The following AP2A2 variants were observed in gnomAD, a reference collection of about 807,000 sequenced individuals.
The protein encoded by AP2A2 is adaptor related protein complex 2 subunit alpha 2.
A neutral mutation model predicts 104.2 loss-of-function variants in AP2A2; 32 were observed. That is an observed-to-expected ratio of 0.31 (90% CI 0.23 to 0.41). The LOEUF (loss-of-function observed/expected upper bound fraction) is 0.41. AP2A2 is among the 10% of genes least tolerant of loss of function. The pLI is 1.00. For synonymous variants in AP2A2, 539 were observed against 533.3 expected (o/e 1.01, Z -0.15); for missense variants, 912 against 1,261.0 (o/e 0.72, Z 4.19).
At chr11:986,491 C>T (rs1046504054) in intron 8 of AP2A2, among the ~76,000 whole-genome samples, 12 of 152,164 alleles carry the variant, frequency 7.9e-5, no homozygotes, top group African/African-American at 2.2e-4. Flanking sequence ...CGGCCTCCCG[C>T]GGGCCTGATG....
intron 10 of AP2A2, among the ~76,000 whole-genome samples, chr11:991,160 CG>C (rs1855641406): frequency 6.6e-6 from 1 of 151,996 alleles, no homozygotes; most frequent in African/African-American, 2.4e-5. Flanking sequence ...TCCTTTCAGC[CG>C]GGCATGGTGT....
At chr11:1,004,332 G>A (rs1856129629) in intron 16 of AP2A2, among the ~76,000 whole-genome samples, 1 of 152,150 alleles carries the variant, frequency 6.6e-6, no homozygotes, top group South Asian at 2.1e-4. Flanking sequence ...AATTAGCTGG[G>A]TGTAGTGGTG....
intron 1 of AP2A2, among the ~76,000 whole-genome samples, chr11:947,168 G>A (rs886650023): frequency 1.3e-5 from 2 of 151,994 alleles, no homozygotes; most frequent in Non-Finnish European, 2.9e-5. Flanking sequence ...CCGCCACCAG[G>A]CCCAGCTAAT....
In AP2A2 at chr11:968,970, C is replaced by T. The variant is rs757638650; in HGVS notation, c.137-1199C>T. Among the ~76,000 whole-genome samples the T allele has an allele frequency of 6.6e-6, 1 of 152,152 alleles. No individual in the cohort carries two copies. Among genetic ancestry groups the T allele is most frequent in the Non-Finnish European group, 1.5e-5 (1 of 68,024 alleles). On this transcript the variant is annotated intron_variant, in intron 2 of 21. Transcript: ENST00000448903. This position sits in a 1 kb window ranked among gnomAD's most constrained non-coding sequence, Gnocchi z 4.2. Reference sequence around the variant, plus strand: ...GGAAATGTGGCCGGTCTGTATTCTACACAGTTGAGGTCGTCCGTGGAGGTG... The same window carrying T: ...GGAAATGTGGCCGGTCTGTATTCTATACAGTTGAGGTCGTCCGTGGAGGTG...
chr11:949,534 T>C (rs1382186891), intron 1 of AP2A2, among the ~76,000 whole-genome samples: 1 of 152,116 alleles, frequency 6.6e-6, no homozygotes, highest in African/African-American at 2.4e-5. Flanking sequence ...CCCAGCACTT[T>C]CGGAGGCCGA....
At position 993,688 on chromosome 11, in the gene AP2A2, C is replaced by T. The variant is rs965984655; in HGVS notation, c.1551-66C>T. On this transcript the variant is annotated intron_variant, in intron 12 of 21. Transcript: ENST00000448903. The surrounding 1 kb of genome is among the most constrained non-coding windows in gnomAD (Gnocchi z 8.2). ...GGGGGTCTCGCCGCCGTCCCCCCCCCGCGGGGGCGTGCTGCAGCCTGCGAG... is the reference window on the plus strand; with the variant it reads ...GGGGGTCTCGCCGCCGTCCCCCCCCTGCGGGGGCGTGCTGCAGCCTGCGAG... 39 of 1,295,216 alleles carry T rather than the reference C, an allele frequency of 3.0e-5. No individual in the cohort carries two copies. Among genetic ancestry groups the T allele is most frequent in the Admixed American group, 8.3e-5 (4 of 48,476 alleles). 80.2% of individuals were successfully genotyped at this position (1,295,216 alleles called of 1,614,324 possible).
At chr11:932,746 T>C (rs1311372200) in intron 1 of AP2A2, 6 of 456,298 alleles carry the variant, frequency 1.3e-5, no homozygotes, top group South Asian at 7.7e-5. Context: ...CCTGGTTCTC[T>C]TCACAGTGTT....
chr11:989,962 C>T (rs185758852), intron 10 of AP2A2, among the ~76,000 whole-genome samples: 4 of 152,168 alleles, frequency 2.6e-5, no homozygotes, highest in East Asian at 3.8e-4. Context: ...GGAGCTTTGC[C>T]GAGAGCCAGT....
Position 1,011,363 on chromosome 11 carries a change from G to A in AP2A2, c.*738G>A, listed in dbSNP as rs1274934318. 1.9e-6 allele frequency: 1 copy of A among 518,172 alleles called. No homozygotes were observed. The highest frequency in any genetic ancestry group is 1.9e-5 in the African/African-American group (1 of 51,922). The allele number at this position is 518,172 out of a possible 1,614,324, so 32.1% of individuals were successfully genotyped here. A position where few individuals can be genotyped will look rare whatever the true frequency, so the allele number is the denominator to read the frequency against. The stretch of plus-strand genomic sequence containing the variant: ...CCCAGGACTCCAGGGTAAAGTGTGG[G>A]CCGGTGGCGCAAGACTCAGAGGTGT... On this transcript the variant is annotated 3_prime_UTR_variant, in exon 22 of 22. Coordinates refer to ENST00000448903, the MANE Select transcript of AP2A2 (RefSeq NM_012305.4).
chr11:962,756 T>G (rs1237137066), intron 2 of AP2A2, among the ~76,000 whole-genome samples: 2 of 152,108 alleles, frequency 1.3e-5, no homozygotes, highest in Non-Finnish European at 2.9e-5. Flanking sequence ...TTTTGTTTTA[T>G]AAATTCTGTA....
At chr11:974,509 C>T (rs1020574157) in intron 4 of AP2A2, among the ~76,000 whole-genome samples, 20 of 152,044 alleles carry the variant, frequency 1.3e-4, no homozygotes, top group African/African-American at 4.3e-4. Flanking sequence ...GGCGAAACCC[C>T]GTCTCTACTA....
intron 3 of AP2A2, among the ~76,000 whole-genome samples, chr11:971,781 G>T (rs1181975370): frequency 6.6e-6 from 1 of 152,222 alleles, no homozygotes; most frequent in Non-Finnish European, 1.5e-5. Context: ...TGGGACCGGG[G>T]GGTCCAGTTC....
At chr11:991,400 G>A (rs1171824881) in intron 10 of AP2A2, among the ~76,000 whole-genome samples, 1 of 152,206 alleles carries the variant, frequency 6.6e-6, no homozygotes, top group Admixed American at 6.5e-5. Context: ...CTGGGGGGCT[G>A]TGTGGACTTC....
At chr11:1,002,336 TC>T (rs1307503937) in intron 15 of AP2A2, among the ~76,000 whole-genome samples, 10 of 152,250 alleles carry the variant, frequency 6.6e-5, no homozygotes, top group African/African-American at 2.4e-4. Context: ...TTAAGCGATC[TC>T]TGCTTTGTTA....
At position 981,308 on chromosome 11, in the gene AP2A2, G is replaced by A. The variant is rs376704193; in HGVS notation, c.705+9G>A. ...TCTCTAGGCTAAGCAGAGTAAGTCTGTTCGTGGGGGAGCAGAAGTCAGGGT... is the reference window on the plus strand; with the variant it reads ...TCTCTAGGCTAAGCAGAGTAAGTCTATTCGTGGGGGAGCAGAAGTCAGGGT... On this transcript the variant is annotated intron_variant, in intron 6 of 21. Transcript: ENST00000448903. 1.3e-6 allele frequency: 2 copies of A among 1,594,400 alleles called. No homozygotes were observed. Among genetic ancestry groups the A allele is most frequent in the African/African-American group, 2.7e-5 (2 of 74,522 alleles).
At chr11:1,003,499 A>G (rs909262613) in intron 15 of AP2A2, among the ~76,000 whole-genome samples, 4 of 152,218 alleles carry the variant, frequency 2.6e-5, no homozygotes, top group African/African-American at 7.2e-5. Flanking sequence ...CCAACTTCAC[A>G]GGTCTTGCCG....
intron 6 of AP2A2, among the ~76,000 whole-genome samples, chr11:984,244 C>T (rs1855368563): frequency 6.6e-6 from 1 of 152,034 alleles, no homozygotes; most frequent in Non-Finnish European, 1.5e-5. Flanking sequence ...CTGGGTTGGC[C>T]TGTGGTCGGG....
rs780014620 is a variant in AP2A2, at chr11:972,271, G to T, written c.473+16G>T. 6.4e-7 allele frequency: 1 copy of T among 1,557,438 alleles called. No homozygotes were observed. On this transcript the variant is annotated intron_variant, in intron 4 of 21. Transcript: ENST00000448903. ...TCGTAGCCGGGTATGTGCCGGGCTCGTGCCGGGCTCCTGCTGAAGATGTGC... is the reference window on the plus strand; with the variant it reads ...TCGTAGCCGGGTATGTGCCGGGCTCTTGCCGGGCTCCTGCTGAAGATGTGC...
At chr11:984,476 C>G (rs968180684) in intron 6 of AP2A2, among the ~76,000 whole-genome samples, 169 bp from the exon 7 acceptor site, 1 of 152,146 alleles carries the variant, frequency 6.6e-6, no homozygotes, top group Admixed American at 6.5e-5. Flanking sequence ...GCAGCCCTCT[C>G]ACGGCGAACC....
Sources: gnomAD v4.1 joint callset for allele counts (sites outside exome capture counted in the v4.1 genomes callset) on GRCh38, gnomAD v4.1.1 for gene constraint, Gnocchi (gnomAD v3.1) non-coding constraint, MANE v1.5 for transcripts, NCBI Gene and HGNC (gene_info 2026-07-23, HGNC 2026-07-21) for gene names.